Variants in SLC49A3 observed in about 807,000 individuals in gnomAD.
The protein encoded by SLC49A3 is solute carrier family 49 member 3, also known as solute carrier family 49 member A3.
SLC49A3 carries 50 observed loss-of-function variants against 43.8 expected under a neutral mutation model. That is an observed-to-expected ratio of 1.14 (90% CI 0.91 to 1.45). The LOEUF (loss-of-function observed/expected upper bound fraction) is 1.45. Ranked by LOEUF, SLC49A3 falls within the 40% of genes most tolerant of loss-of-function variation. The pLI is 0.00. For missense variants in SLC49A3, 906 were observed against 774.1 expected, an observed-to-expected ratio of 1.17 and a Z score of -2.02; for synonymous variants, 413 against 352.0, an observed-to-expected ratio of 1.17 and a Z score of -1.94.
downstream of SLC49A3, chr4:679,283 G>A (rs1417739481): frequency 3.3e-5 from 13 of 392,728 alleles, no homozygotes; most frequent in Non-Finnish European, 4.2e-5. Flanking sequence ...GGGCTTTGAG[G>A]CAGCAGGCTC....
In SLC49A3 at chr4:683,194, G is replaced by A. The variant is rs557205501; in HGVS notation, c.1151+16C>T. ...GAGTATCTCTGGGGTTGCAGCAGGGGCAGATGGACACTCACCCCAGCACAA... is the reference window on the plus strand; with the variant it reads ...GAGTATCTCTGGGGTTGCAGCAGGGACAGATGGACACTCACCCCAGCACAA... On this transcript the variant is annotated intron_variant, in intron 8 of 9. Transcript: ENST00000322224. 1.7e-4 allele frequency: 274 copies of A among 1,612,668 alleles called. 1 individual carries two copies. The South Asian group carries it at 2.9e-3, about 17-fold the overall frequency.
intron 9 of SLC49A3, 26 bp from the exon 10 acceptor site, chr4:682,402 C>A: frequency 1.5e-6 from 2 of 1,324,138 alleles, no homozygotes; most frequent in South Asian, 2.8e-5. Flanking sequence ...ACAGCTGTCC[C>A]CACAGCCAAG....
chr4:688,510 C>T (rs1234849880), intron 1 of SLC49A3, among the ~76,000 whole-genome samples: 8 of 152,292 alleles, frequency 5.3e-5, no homozygotes, highest in East Asian at 1.9e-4. Context: ...GCACACAGGG[C>T]GGGAAAGGCT....
chr4:678,806 A>G (rs1378847846), downstream of SLC49A3: 1 of 1,608,710 alleles, frequency 6.2e-7, no homozygotes, highest in African/African-American at 1.3e-5. Flanking sequence ...CACCCCCAGG[A>G]GCCTGTGCTG....
At chr4:686,337 G>T in intron 2 of SLC49A3, 35 bp from the exon 3 acceptor site, 1 of 1,604,318 alleles carries the variant, frequency 6.2e-7, no homozygotes, top group Non-Finnish European at 8.5e-7. Flanking sequence ...GGTCAGGAAC[G>T]CTGCCACCAG....
upstream of SLC49A3, among the ~76,000 whole-genome samples, chr4:689,916 C>T (rs375140476): frequency 2.8e-3 from 432 of 152,348 alleles, 1 homozygote; most frequent in African/African-American, 9.8e-3. Context: ...CCTGGGGGAA[C>T]CCAAGAGGCT....
chr4:690,749 C>T (rs1228244815), upstream of SLC49A3, among the ~76,000 whole-genome samples: 2 of 152,258 alleles, frequency 1.3e-5, no homozygotes, highest in Non-Finnish European at 2.9e-5. Context: ...CTCCATTGTT[C>T]AGTCTCTGTT....
downstream of SLC49A3, chr4:680,125 A>AG (rs1739305227): frequency 1.8e-6 from 2 of 1,108,294 alleles, no homozygotes; most frequent in Non-Finnish European, 2.6e-6. Context: ...GAGAAGCCCT[A>AG]GGGCCTGGCA....
downstream of SLC49A3, chr4:679,840 G>C: frequency 7.5e-7 from 1 of 1,340,340 alleles, no homozygotes; most frequent in Non-Finnish European, 1.1e-6. Context: ...GCCTGGCCCT[G>C]TGCTGGGGTC....
At chr4:680,552 G>A (rs568550182), downstream of SLC49A3, 18 of 1,613,576 alleles carry the variant, frequency 1.1e-5, no homozygotes, top group East Asian at 2.0e-4. Flanking sequence ...TCAAGATGCT[G>A]GACCCGGACG....
downstream of SLC49A3, chr4:678,504 C>T: frequency 6.9e-7 from 1 of 1,444,944 alleles, no homozygotes; most frequent in South Asian, 1.5e-5. Context: ...GCTACCCAGG[C>T]CTGAGGCTGG....
chr4:680,388 G>A, downstream of SLC49A3: 3 of 1,064,858 alleles, frequency 2.8e-6, no homozygotes, highest in Non-Finnish European at 4.3e-6. Flanking sequence ...AGGCCACCTT[G>A]TGGGCAGAGG....
At chr4:680,430 C>T, downstream of SLC49A3, 2 of 1,413,676 alleles carry the variant, frequency 1.4e-6, no homozygotes, top group Non-Finnish European at 2.0e-6. Flanking sequence ...GGGCAGGGGT[C>T]TCCCCTCCTG....
downstream of SLC49A3, chr4:678,129 G>A (rs1257175109): frequency 3.2e-6 from 5 of 1,564,446 alleles, no homozygotes; most frequent in African/African-American, 1.4e-5. Flanking sequence ...GTCCGTGCTT[G>A]CGTGTGAATG....
downstream of SLC49A3, chr4:679,899 C>T: frequency 6.2e-7 from 1 of 1,612,540 alleles, no homozygotes; most frequent in Non-Finnish European, 8.5e-7. Context: ...TGTGATGCCC[C>T]CATGTCTGTA....
In SLC49A3 at chr4:683,691, T is replaced by C; in HGVS notation, c.911A>G (p.Tyr304Cys). 6.2e-7 allele frequency: 1 copy of C among 1,605,372 alleles called. No homozygotes were observed. The change falls in exon 7 of 10, where the codon TAT becomes TGT. Residue 304 changes from tyrosine (Y) to cysteine (C), a missense_variant. Tyr to Cys is a radical substitution (Grantham distance 194). Coordinates refer to ENST00000322224, the MANE Select transcript of SLC49A3 (RefSeq NM_032219.4). ...GILGALALGP[Y>C]VDRTKHFTEA... ...AGTGAAGTGCTTGGTCCGGTCCACATAGGGGCCGAGAGCCAGTGCCCCCAG... is the reference window on the plus strand; with the variant it reads ...AGTGAAGTGCTTGGTCCGGTCCACACAGGGGCCGAGAGCCAGTGCCCCCAG...
chr4:686,341 C>T (rs749519670), intron 2 of SLC49A3, 39 bp from the exon 3 acceptor site: 3 of 1,602,800 alleles, frequency 1.9e-6, no homozygotes, highest in Admixed American at 1.7e-5. Context: ...AGGAACGCTG[C>T]CACCAGCCCA....
Position 682,015 on chromosome 4 carries a change from C to A in SLC49A3, c.1623G>T (p.Arg541Ser). Reference sequence around the variant, plus strand: ...AGTGAGACCCAGCCGGGTCAATAAACCTGGACGCTTGGACCCTGCCTGCGA... The same window carrying A: ...AGTGAGACCCAGCCGGGTCAATAAAACTGGACGCTTGGACCCTGCCTGCGA... ...GRLAGRVQAS[R>S]FIDPAGSHSS... The change falls in exon 10 of 10, where the codon AGG (arginine) becomes AGT (serine). Residue 541 changes from arginine (R) to serine (S), a missense_variant. By Grantham distance (110) the Arg-to-Ser change is moderately radical. Coordinates refer to ENST00000322224, the MANE Select transcript of SLC49A3 (RefSeq NM_032219.4). 1 of 1,427,708 alleles carries A rather than the reference C, an allele frequency of 7.0e-7. No individual in the cohort carries two copies. Among genetic ancestry groups the A allele is most frequent in the South Asian group, 1.5e-5 (1 of 67,408 alleles). 88.4% of individuals were successfully genotyped at this position (1,427,708 alleles called of 1,614,324 possible). A position where few individuals can be genotyped will look rare whatever the true frequency, so the allele number is the denominator to read the frequency against.
At chr4:681,747 C>T, downstream of SLC49A3, 1 of 978,544 alleles carries the variant, frequency 1.0e-6, no homozygotes, top group South Asian at 5.3e-5. Context: ...GCCGCCCCGC[C>T]CCCTCCAGCG....
Sources: gnomAD v4.1 joint callset for allele counts (sites outside exome capture counted in the v4.1 genomes callset) on GRCh38, gnomAD v4.1.1 for gene constraint, MANE v1.5 for transcripts, NCBI Gene and HGNC (gene_info 2026-07-23, HGNC 2026-07-21) for gene names.